The following ALPK1 variants were observed in gnomAD, a reference collection of about 807,000 sequenced individuals.
ALPK1 encodes alpha-protein kinase 1.
A neutral mutation model predicts 120.6 loss-of-function variants in ALPK1; 110 were observed. The observed-to-expected ratio is 0.91, with a 90% CI of 0.78 to 1.07. The LOEUF (loss-of-function observed/expected upper bound fraction) is 1.07. ALPK1 is among the 50% of genes least tolerant of loss of function. ALPK1 has a pLI of 0.00. For synonymous variants in ALPK1, 582 were observed against 560.3 expected (o/e 1.04, Z -0.55); for missense variants, 1,498 against 1,483.9 (o/e 1.01, Z -0.16).
At chr4:112,350,617 A>G (rs990444666) in intron 2 of ALPK1, among the ~76,000 whole-genome samples, 3 of 152,114 alleles carry the variant, frequency 2.0e-5, no homozygotes, top group African/African-American at 7.2e-5. Context: ...TTTTCTCCAG[A>G]CCTCTGGTAC....
chr4:112,346,630 T>C (rs1178697280), intron 2 of ALPK1, among the ~76,000 whole-genome samples: 3 of 152,254 alleles, frequency 2.0e-5, no homozygotes, highest in Non-Finnish European at 2.9e-5. Flanking sequence ...TTTGGCCTAC[T>C]CTTTCCCCAT....
chr4:112,428,820 T>C (rs1048125816), intron 9 of ALPK1, among the ~76,000 whole-genome samples: 3 of 152,148 alleles, frequency 2.0e-5, no homozygotes, highest in African/African-American at 7.2e-5. Context: ...TGCTGTGAAA[T>C]CATCAATTAA....
chr4:112,306,864 T>C lies in ALPK1; in HGVS notation c.-152-8937T>C, dbSNP rs1173726543. Among the ~76,000 whole-genome samples the C allele has an allele frequency of 2.0e-5, 3 of 152,168 alleles. No individual in the cohort carries two copies. The East Asian group carries it at 5.8e-4, about 29-fold the overall frequency. On this transcript the variant is annotated intron_variant, in intron 1 of 15. Coordinates refer to ENST00000650871, the MANE Select transcript of ALPK1 (RefSeq NM_025144.4). ...TGTTAGGATGTCAATTTAAGATCTT[T>C]CCTGCTTCCTCTTGTGGGCATTTAG...
intron 2 of ALPK1, among the ~76,000 whole-genome samples, chr4:112,370,849 CTCT>C (rs72429900): frequency 0.013 from 1,921 of 152,296 alleles, 47 homozygotes; most frequent in African/African-American, 0.043. Flanking sequence ...CCTTGGAAAT[CTCT>C]TCTTCTTTTT....
chr4:112,351,062 A>G (rs895043074), intron 2 of ALPK1, among the ~76,000 whole-genome samples: 6 of 152,218 alleles, frequency 3.9e-5, no homozygotes, highest in African/African-American at 1.2e-4. Flanking sequence ...TCTTCCAGCT[A>G]TGTGGGCCAG....
intron 2 of ALPK1, among the ~76,000 whole-genome samples, chr4:112,355,777 C>G (rs1034747295): frequency 6.6e-6 from 1 of 152,224 alleles, no homozygotes; most frequent in East Asian, 1.9e-4. Context: ...CAGTTTCCTC[C>G]TGGAGCACAA....
At chr4:112,344,375 A>T (rs187581278) in intron 2 of ALPK1, among the ~76,000 whole-genome samples, 188 of 152,350 alleles carry the variant, frequency 1.2e-3, no homozygotes, top group African/African-American at 4.3e-3. Context: ...GTGGGACTGA[A>T]CAGTTGAATT....
intron 2 of ALPK1, among the ~76,000 whole-genome samples, chr4:112,368,113 T>C (rs928302074): frequency 1.1e-4 from 17 of 152,216 alleles, no homozygotes; most frequent in African/African-American, 3.9e-4. Context: ...AGACAGGGTC[T>C]TGCCATGTTG....
At chr4:112,357,045 C>A in intron 2 of ALPK1, 1 of 871,336 alleles carries the variant, frequency 1.1e-6, no homozygotes, top group Non-Finnish European at 1.9e-6. Context: ...CCCACCAGCT[C>A]AGGGCTGAAC....
In ALPK1 at chr4:112,438,466, G is replaced by A. The variant is rs768212316; in HGVS notation, c.3189-18G>A. On this transcript the variant is annotated intron_variant, in intron 12 of 15. Coordinates refer to ENST00000650871, the MANE Select transcript of ALPK1 (RefSeq NM_025144.4). The stretch of plus-strand genomic sequence containing the variant: ...GACCACTTTTGCATTTTGTTGTGTG[G>A]ATTTTCTTTGTTCATAGGTATGTTG... The A allele has an allele frequency of 6.2e-7, 1 of 1,609,018 alleles. No homozygotes were observed. Among genetic ancestry groups the A allele is most frequent in the Non-Finnish European group, 8.5e-7 (1 of 1,177,332 alleles).
intron 2 of ALPK1, among the ~76,000 whole-genome samples, chr4:112,372,358 G>A (rs1049715582): frequency 2.6e-5 from 4 of 151,732 alleles, no homozygotes; most frequent in Admixed American, 2.0e-4. Flanking sequence ...GACTACAGGC[G>A]CCAGCCACCA....
chr4:112,314,842 A>C (rs1419239903), intron 1 of ALPK1, among the ~76,000 whole-genome samples: 1 of 151,732 alleles, frequency 6.6e-6, no homozygotes, highest in African/African-American at 2.4e-5. Context: ...GGAGAGTTGA[A>C]AAATGTAAAT....
At chr4:112,352,041 C>T (rs1422980919) in intron 2 of ALPK1, among the ~76,000 whole-genome samples, 1 of 152,206 alleles carries the variant, frequency 6.6e-6, no homozygotes, top group Non-Finnish European at 1.5e-5. Flanking sequence ...AAGTGCCTCT[C>T]CCTGCTCTGA....
At chr4:112,405,280 G>T (rs763290474) in intron 4 of ALPK1, among the ~76,000 whole-genome samples, 29 of 152,130 alleles carry the variant, frequency 1.9e-4, no homozygotes, top group Non-Finnish European at 8.8e-5. Context: ...ACTGTGAGGA[G>T]TGCCCAACTG....
At chr4:112,307,279 G>T (rs1728125987) in intron 1 of ALPK1, among the ~76,000 whole-genome samples, 1 of 151,744 alleles carries the variant, frequency 6.6e-6, no homozygotes, top group African/African-American at 2.4e-5. Context: ...GCTTGGTGCA[G>T]AGCTGAGTTC....
At chr4:112,324,926 A>G (rs528256193) in intron 2 of ALPK1, among the ~76,000 whole-genome samples, 13 of 144,406 alleles carry the variant, frequency 9.0e-5, no homozygotes, top group African/African-American at 3.3e-4. Flanking sequence ...GTTGAAGCAA[A>G]TTGATTAATT....
In ALPK1 at chr4:112,435,302, G is replaced by A; in HGVS notation, c.3188+1G>A. 1 of 1,606,136 alleles carries A rather than the reference G, an allele frequency of 6.2e-7. No individual in the cohort carries two copies. Among genetic ancestry groups the A allele is most frequent in the Non-Finnish European group, 8.5e-7 (1 of 1,177,870 alleles). On this transcript the variant is annotated splice_donor_variant, in intron 12 of 15. Coordinates refer to ENST00000650871, the MANE Select transcript of ALPK1 (RefSeq NM_025144.4). LOFTEE classifies it high-confidence loss of function. ...TTCATCAAGAAGAAATTCTGGGGAGGTATTACTTAAAAACATTTGTATAAC... is the reference window on the plus strand; with the variant it reads ...TTCATCAAGAAGAAATTCTGGGGAGATATTACTTAAAAACATTTGTATAAC...
intron 4 of ALPK1, among the ~76,000 whole-genome samples, chr4:112,408,473 CT>C (rs754785103): frequency 2.0e-3 from 285 of 143,396 alleles, no homozygotes; most frequent in Middle Eastern, 0.011. Flanking sequence ...CAATGACTGA[CT>C]TTTTTTTTTT....
At chr4:112,411,652 C>G in intron 4 of ALPK1, 175 bp from the exon 5 acceptor site, 1 of 623,118 alleles carries the variant, frequency 1.6e-6, no homozygotes, top group Non-Finnish European at 2.8e-6. Flanking sequence ...TTTTATTGCA[C>G]AATTGAACTG....
Sources: allele counts gnomAD v4.1 joint callset (sites outside exome capture counted in the v4.1 genomes callset), GRCh38; gene constraint gnomAD v4.1.1; transcripts MANE v1.5; gene names NCBI Gene and HGNC (gene_info 2026-07-23, HGNC 2026-07-21).